The following ABHD2 variants were observed in gnomAD, a reference collection of about 807,000 sequenced individuals.
ABHD2 encodes the protein abhydrolase domain containing 2, acylglycerol lipase, also known as monoacylglycerol lipase ABHD2.
A neutral mutation model predicts 48.1 loss-of-function variants in ABHD2; 20 were observed. The observed-to-expected ratio is 0.42, with a 90% confidence interval of 0.29 to 0.60. ABHD2 has a LOEUF of 0.60. Ranked by LOEUF, ABHD2 falls within the 20% of genes least tolerant of loss-of-function variation. ABHD2 has a pLI of 0.24. For synonymous variants in ABHD2, 209 were observed against 214.2 expected, an observed-to-expected ratio of 0.98 and a Z score of 0.21; for missense variants, 405 against 550.9, an observed-to-expected ratio of 0.74 and a Z score of 2.65.
Position 89,186,707 on chromosome 15 carries a change from G to A in ABHD2, c.815+1191G>A, listed in dbSNP as rs1037989625. 6.6e-6 allele frequency among the ~76,000 whole-genome samples: 1 copy of A among 152,174 alleles called. No individual in the cohort carries two copies. Among genetic ancestry groups the A allele is most frequent in the Non-Finnish European group, 1.5e-5 (1 of 68,034 alleles). On this transcript the variant is annotated intron_variant, in intron 7 of 10. Coordinates refer to ENST00000352732, the MANE Select transcript of ABHD2 (RefSeq NM_152924.5). This position sits in a 1 kb window ranked among gnomAD's most constrained non-coding sequence, Gnocchi z 4.3. ...TGTGTTGATTGCTCCCAGCACCCGA[G>A]ACACACCCGTTCGCTCAAAAAAATT...
At chr15:89,162,691 T>TC (rs1174301686) in intron 5 of ABHD2, among the ~76,000 whole-genome samples, 2 of 151,242 alleles carry the variant, frequency 1.3e-5, no homozygotes, top group Admixed American at 6.6e-5. Flanking sequence ...CATCTAAAGC[T>TC]CCCCCCCAAC....
chr15:89,068,050 C>A, the ABHD2 span, among the ~76,000 whole-genome samples: 2 of 152,200 alleles, frequency 1.3e-5, no homozygotes, highest in African/African-American at 2.4e-5. Flanking sequence ...AAACCCTAGA[C>A]TTCATAGTCT....
At position 89,195,148 on chromosome 15, in the gene ABHD2, C is replaced by G; in HGVS notation, c.1082-79C>G. 2.0e-6 allele frequency: 3 copies of G among 1,522,550 alleles called. No individual in the cohort carries two copies. The highest frequency in any genetic ancestry group is 2.5e-5 in the South Asian group (2 of 79,390). The allele number at this position is 1,522,550 out of a possible 1,614,324, so 94.3% of individuals were successfully genotyped here. A position where few individuals can be genotyped will look rare whatever the true frequency, so the allele number is the denominator to read the frequency against. Reference sequence around the variant, plus strand: ...ACCCTGCGGGGACAGCCAGGCTACCCTAGCCAGCTCACCTCTGCACCTCCT... The same window carrying G: ...ACCCTGCGGGGACAGCCAGGCTACCGTAGCCAGCTCACCTCTGCACCTCCT... On this transcript the variant is annotated intron_variant, in intron 10 of 10. Coordinates refer to ENST00000352732, the MANE Select transcript of ABHD2 (RefSeq NM_152924.5). This position sits in a 1 kb window ranked among gnomAD's most constrained non-coding sequence, Gnocchi z 5.1.
chr15:89,059,854 C>T, the ABHD2 span, among the ~76,000 whole-genome samples: 4 of 152,098 alleles, frequency 2.6e-5, no homozygotes, highest in East Asian at 3.9e-4. Context: ...GGTCCGTGGC[C>T]GAAGGAAAAC....
intron 3 of ABHD2, among the ~76,000 whole-genome samples, chr15:89,129,986 T>C (rs1346918238): frequency 2.0e-5 from 3 of 152,040 alleles, no homozygotes; most frequent in African/African-American, 4.8e-5. Flanking sequence ...AGGACATCAG[T>C]GGGTAAGTGG....
rs1379664604 is a variant in ABHD2, at chr15:89,114,761, G to A, written c.-7+937G>A. On this transcript the variant is annotated intron_variant, in intron 2 of 10. Transcript: ENST00000352732. The surrounding 1 kb of genome is among the most constrained non-coding windows in gnomAD (Gnocchi z 4.2). ...GGCCTCCCAAAGTGCATGATTACAG[G>A]CATGAGCCATGGTGCCCAGCCCAGA... Among the ~76,000 whole-genome samples the A allele has an allele frequency of 2.6e-5, 4 of 152,314 alleles. No homozygotes were observed.
At chr15:89,165,537 G>C (rs889530152) in intron 5 of ABHD2, among the ~76,000 whole-genome samples, 1 of 152,038 alleles carries the variant, frequency 6.6e-6, no homozygotes, top group Non-Finnish European at 1.5e-5. Context: ...AGGATAGCTT[G>C]AGGGTAGGAG....
At chr15:89,142,769 A>T (rs1166008994) in intron 3 of ABHD2, among the ~76,000 whole-genome samples, 1 of 152,044 alleles carries the variant, frequency 6.6e-6, no homozygotes, top group East Asian at 1.9e-4. Context: ...ATATCGTCAC[A>T]TTTATTGGTC....
At chr15:89,068,442 G>A in the ABHD2 span, among the ~76,000 whole-genome samples, 1 of 152,250 alleles carries the variant, frequency 6.6e-6, no homozygotes, top group East Asian at 1.9e-4. Context: ...CAACAATTGG[G>A]GGCTAGAGTC....
chr15:89,188,184 T>C lies in ABHD2; in HGVS notation c.816-9T>C, dbSNP rs2051243420. 1 of 1,612,952 alleles carries C rather than the reference T, an allele frequency of 6.2e-7. No homozygotes were observed. The highest frequency in any genetic ancestry group is 8.5e-7 in the Non-Finnish European group (1 of 1,179,026). Reference sequence around the variant, plus strand: ...TCTTAATCTCTGTTTGCTTTTGTGTTTGCTCTAGGCAAGCTCTTTTTGGAG... The same window carrying C: ...TCTTAATCTCTGTTTGCTTTTGTGTCTGCTCTAGGCAAGCTCTTTTTGGAG... On this transcript the variant is annotated splice_polypyrimidine_tract_variant and intron_variant, in intron 7 of 10. Transcript: ENST00000352732. The surrounding 1 kb of genome is among the most constrained non-coding windows in gnomAD (Gnocchi z 4.1).
the ABHD2 span, among the ~76,000 whole-genome samples, chr15:89,056,185 G>A: frequency 6.6e-6 from 1 of 152,146 alleles, no homozygotes; most frequent in East Asian, 1.9e-4. Context: ...TTTTGTAAAT[G>A]GAGGTGGGAA....
At chr15:89,172,203 GTGT>G in intron 5 of ABHD2, among the ~76,000 whole-genome samples, 1 of 152,272 alleles carries the variant, frequency 6.6e-6, no homozygotes, top group South Asian at 2.1e-4. Context: ...CAGTTCAGTA[GTGT>G]TAAGTATATT....
chr15:89,144,142 CT>C (rs1022200670), intron 3 of ABHD2, among the ~76,000 whole-genome samples: 1 of 151,212 alleles, frequency 6.6e-6, no homozygotes, highest in Non-Finnish European at 1.5e-5. Flanking sequence ...TGTCTTTTTT[CT>C]TTTTTTTTGA....
the ABHD2 span, among the ~76,000 whole-genome samples, chr15:89,078,433 C>G: frequency 1.3e-5 from 2 of 152,238 alleles, no homozygotes; most frequent in South Asian, 2.1e-4. Context: ...CACACAAAAA[C>G]TGCCTTCCTT....
chr15:89,149,798 G>A lies in ABHD2; in HGVS notation c.195-1879G>A, dbSNP rs151307954. On this transcript the variant is annotated intron_variant, in intron 3 of 10. Transcript: ENST00000352732. ...TTTAGGTTTATTTGAGCTTAGGCAA[G>A]AAGTTAAGCGAGTACCAGGGTGTAG... Among the ~76,000 whole-genome samples the A allele has an allele frequency of 1.9e-3, 293 of 152,378 alleles. 2 individuals are homozygous for A. Among genetic ancestry groups the A allele is most frequent in the African/African-American group, 6.7e-3 (277 of 41,586 alleles).
In ABHD2 at chr15:89,088,795, C is replaced by G. The variant is rs1253211983; in HGVS notation, c.-107+232C>G. 6.6e-6 allele frequency among the ~76,000 whole-genome samples: 1 copy of G among 152,222 alleles called. No homozygotes were observed. The highest frequency in any genetic ancestry group is 1.5e-5 in the Non-Finnish European group (1 of 68,024). On this transcript the variant is annotated intron_variant, in intron 1 of 10. Transcript: ENST00000352732. This position sits in a 1 kb window ranked among gnomAD's most constrained non-coding sequence, Gnocchi z 6.8. ...ATACGCCTTCCTGAGGCCCTTTGTCCCCTTCTGCCCGAGGAACCGAGGTTG... is the reference window on the plus strand; with the variant it reads ...ATACGCCTTCCTGAGGCCCTTTGTCGCCTTCTGCCCGAGGAACCGAGGTTG...
the ABHD2 span, among the ~76,000 whole-genome samples, chr15:89,049,670 CCTTTT>C: frequency 6.6e-6 from 1 of 152,228 alleles, no homozygotes; most frequent in Non-Finnish European, 1.5e-5. Flanking sequence ...CTTCTGTCAC[CCTTTT>C]CTTTGACTAG....
the ABHD2 span, among the ~76,000 whole-genome samples, chr15:89,081,591 G>A: frequency 6.6e-6 from 1 of 152,174 alleles, no homozygotes; most frequent in African/African-American, 2.4e-5. Flanking sequence ...AGTTGGCCGG[G>A]TGCAGTGGCT....
At chr15:89,143,651 C>T (rs2050443577) in intron 3 of ABHD2, among the ~76,000 whole-genome samples, 1 of 150,802 alleles carries the variant, frequency 6.6e-6, no homozygotes. Flanking sequence ...CCATTGCACT[C>T]CAGCCTGGGC....
Sources: allele counts gnomAD v4.1 joint callset (sites outside exome capture counted in the v4.1 genomes callset), GRCh38; gene constraint gnomAD v4.1.1; non-coding constraint Gnocchi (gnomAD v3.1); transcripts MANE v1.5; gene names NCBI Gene and HGNC (gene_info 2026-07-23, HGNC 2026-07-21).